Variants in CDH18 observed in about 807,000 individuals in gnomAD.
The protein encoded by CDH18 is cadherin-18.
CDH18 carries 31 observed loss-of-function variants against 67.9 expected under a neutral mutation model. The observed-to-expected ratio is 0.46, with a 90% CI of 0.34 to 0.62. The LOEUF (loss-of-function observed/expected upper bound fraction) is 0.62. Ranked by LOEUF, CDH18 falls within the 20% of genes least tolerant of loss-of-function variation. The pLI is 0.01. For synonymous variants in CDH18, 362 were observed against 347.2 expected (o/e 1.04, Z -0.48); for missense variants, 890 against 975.5 (o/e 0.91, Z 1.17).
At chr5:20,046,420 G>A (rs2150481733) in intron 2 of CDH18, among the ~76,000 whole-genome samples, 1 of 151,872 alleles carries the variant, frequency 6.6e-6, no homozygotes, top group Admixed American at 6.6e-5. Flanking sequence ...CATCTAAGAT[G>A]TTTGGTGCAT....
At chr5:20,393,660 T>C (rs1745046916) in intron 1 of CDH18, among the ~76,000 whole-genome samples, 1 of 151,908 alleles carries the variant, frequency 6.6e-6, no homozygotes, top group African/African-American at 2.4e-5. Context: ...ATTTGATAAA[T>C]GAATTCAGTA....
intron 6 of CDH18, among the ~76,000 whole-genome samples, chr5:19,603,896 T>C (rs1454824734): frequency 1.3e-5 from 2 of 151,324 alleles, no homozygotes; most frequent in Non-Finnish European, 3.0e-5. Flanking sequence ...TACTTTTTAA[T>C]TTCTTCAAGT....
chr5:19,767,253 T>A (rs1257090066), intron 3 of CDH18, among the ~76,000 whole-genome samples: 1 of 151,932 alleles, frequency 6.6e-6, no homozygotes, highest in Non-Finnish European at 1.5e-5. Flanking sequence ...AATAATAACA[T>A]TATAAGCTGG....
intron 2 of CDH18, among the ~76,000 whole-genome samples, chr5:20,089,190 C>T (rs999451234): frequency 6.6e-6 from 1 of 152,070 alleles, no homozygotes; most frequent in African/African-American, 2.4e-5. Context: ...TACTTAATTA[C>T]AAATATATCA....
intron 1 of CDH18, among the ~76,000 whole-genome samples, chr5:20,277,258 G>C (rs530722020): frequency 6.6e-6 from 1 of 152,234 alleles, no homozygotes; most frequent in Non-Finnish European, 1.5e-5. Context: ...TGATGGCCAT[G>C]GGGTTGTTTG....
intron 2 of CDH18, among the ~76,000 whole-genome samples, chr5:19,907,212 T>A (rs1251555661): frequency 6.6e-6 from 1 of 151,960 alleles, no homozygotes; most frequent in Non-Finnish European, 1.5e-5. Flanking sequence ...AAATGCTGTC[T>A]ATCAAACCCG....
intron 5 of CDH18, among the ~76,000 whole-genome samples, chr5:19,618,941 C>T (rs1750272713): frequency 6.6e-6 from 1 of 152,152 alleles, no homozygotes; most frequent in South Asian, 2.1e-4. Context: ...TAAGTCTTCT[C>T]TTCAACTGCC....
Position 19,473,444 on chromosome 5 carries a change from T to C in CDH18, c.2155A>G (p.Arg719Gly), listed in dbSNP as rs1737892462. Residue 719 changes from arginine to glycine, a missense_variant, in exon 13 of 13, where the codon AGA (arginine) becomes GGA (glycine). This residue lies in a region of CDH18 where 656 missense variants were observed against 668.1 expected (regional missense o/e 0.98). Transcript: ENST00000382275. ...SIDVQEFIKQ[R>G]LAEADLDPSV... Reference sequence around the variant, plus strand: ...GGGTCTAGGTCTGCTTCTGCCAGTCTTTGCTTAATAAATTCCTGAACATCT... The same window carrying C: ...GGGTCTAGGTCTGCTTCTGCCAGTCCTTGCTTAATAAATTCCTGAACATCT... 1 of 1,613,734 alleles carries C rather than the reference T, an allele frequency of 6.2e-7. No individual in the cohort carries two copies. Among genetic ancestry groups the C allele is most frequent in the Non-Finnish European group, 8.5e-7 (1 of 1,179,910 alleles).
At chr5:19,555,791 C>T (rs562504023) in intron 8 of CDH18, among the ~76,000 whole-genome samples, 1 of 152,230 alleles carries the variant, frequency 6.6e-6, no homozygotes, top group South Asian at 2.1e-4. Context: ...TTGAAAGCAC[C>T]ACCTCCTGGC....
chr5:19,634,804 G>T (rs918571760), intron 5 of CDH18, among the ~76,000 whole-genome samples: 1 of 151,946 alleles, frequency 6.6e-6, no homozygotes, highest in African/African-American at 2.4e-5. Context: ...TGGCGTGGTG[G>T]CACATGCCTG....
chr5:19,982,139 C>CTGAT (rs1161380996), intron 1 of CDH18, among the ~76,000 whole-genome samples: 2 of 152,196 alleles, frequency 1.3e-5, no homozygotes, highest in East Asian at 3.9e-4. Context: ...AGGAACTTTA[C>CTGAT]TGATTGGTCT....
chr5:20,034,676 G>T (rs570189272), intron 2 of CDH18, among the ~76,000 whole-genome samples: 2 of 152,066 alleles, frequency 1.3e-5, no homozygotes, highest in South Asian at 4.2e-4. Flanking sequence ...TAAACTATTT[G>T]CTCTTCTGGT....
intron 2 of CDH18, among the ~76,000 whole-genome samples, chr5:20,022,692 A>G (rs1460669395): frequency 6.6e-6 from 1 of 152,216 alleles, no homozygotes; most frequent in Admixed American, 6.5e-5. Flanking sequence ...GACAAAAGTT[A>G]AGAAAAAAAC....
intron 2 of CDH18, among the ~76,000 whole-genome samples, chr5:20,020,220 G>T (rs1738284273): frequency 6.6e-6 from 1 of 152,156 alleles, no homozygotes; most frequent in African/African-American, 2.4e-5. Flanking sequence ...CTTGGAACTT[G>T]AATTTAAAAG....
At chr5:20,322,564 A>G (rs1396448157) in intron 1 of CDH18, among the ~76,000 whole-genome samples, 4 of 152,124 alleles carry the variant, frequency 2.6e-5, no homozygotes, top group Non-Finnish European at 5.9e-5. Context: ...ATGGTAAGAA[A>G]TAAATGAGAT....
intron 12 of CDH18, among the ~76,000 whole-genome samples, chr5:19,477,988 T>G (rs1368125814): frequency 6.6e-6 from 1 of 152,166 alleles, no homozygotes; most frequent in Non-Finnish European, 1.5e-5. Context: ...TGTTCAAGTT[T>G]GGGCAGAATT....
At chr5:20,515,156 G>A (rs887099660) in intron 1 of CDH18, among the ~76,000 whole-genome samples, 2 of 151,890 alleles carry the variant, frequency 1.3e-5, no homozygotes, top group African/African-American at 2.4e-5. Flanking sequence ...AAAAAGACCT[G>A]ATGAACTGAA....
chr5:20,393,376 G>A (rs1745024080), intron 1 of CDH18, among the ~76,000 whole-genome samples: 2 of 152,054 alleles, frequency 1.3e-5, no homozygotes, highest in African/African-American at 2.4e-5. Flanking sequence ...ATATGTTAAT[G>A]AAAGGGTTTT....
chr5:19,642,712 A>AACAGT (rs1319279166), intron 5 of CDH18, among the ~76,000 whole-genome samples: 11 of 152,182 alleles, frequency 7.2e-5, no homozygotes, highest in African/African-American at 2.4e-4. Flanking sequence ...CTGAAACTGT[A>AACAGT]ACAGTACTAG....
Sources: gnomAD v4.1 joint callset for allele counts (sites outside exome capture counted in the v4.1 genomes callset) on GRCh38, gnomAD v4.1.1 for gene constraint, gnomAD v4.1.1 regional missense constraint, MANE v1.5 for transcripts, NCBI Gene and HGNC (gene_info 2026-07-23, HGNC 2026-07-21) for gene names.